Variants in CELF2 observed in about 807,000 individuals in gnomAD.
CELF2 encodes CUGBP Elav-like family member 2.
CELF2 carries 8 observed loss-of-function variants against 62.6 expected under a neutral mutation model. The observed-to-expected ratio is 0.13, with a 90% CI of 0.07 to 0.23. CELF2 has a LOEUF of 0.23. Ranked by LOEUF, CELF2 falls within the 10% of genes least tolerant of loss-of-function variation. CELF2 has a pLI of 1.00. For synonymous variants in CELF2, 258 were observed against 250.0 expected (o/e 1.03, Z -0.30); for missense variants, 333 against 671.0 (o/e 0.50, Z 5.56).
chr10:10,827,032 T>C (rs892913600), intron 1 of CELF2, among the ~76,000 whole-genome samples: 1 of 152,196 alleles, frequency 6.6e-6, no homozygotes, highest in African/African-American at 2.4e-5. Context: ...CTAGATAGGA[T>C]AGAATTAATC....
At chr10:11,172,370 C>T (rs1261276299) in intron 2 of CELF2, among the ~76,000 whole-genome samples, 1 of 152,186 alleles carries the variant, frequency 6.6e-6, no homozygotes, top group Non-Finnish European at 1.5e-5. Context: ...AAGGTGGCTT[C>T]ACTGCCTACA....
chr10:10,555,229 G>A, the CELF2 span, among the ~76,000 whole-genome samples: 1 of 151,608 alleles, frequency 6.6e-6, no homozygotes, highest in Non-Finnish European at 1.5e-5. Flanking sequence ...AATCTTAAGA[G>A]GAATCACTGT....
chr10:11,062,733 C>G (rs763102121), intron 1 of CELF2, among the ~76,000 whole-genome samples: 1 of 152,170 alleles, frequency 6.6e-6, no homozygotes, highest in Non-Finnish European at 1.5e-5. Flanking sequence ...GTTGAAATGA[C>G]AAAGGATTCA....
Position 11,300,626 on chromosome 10 carries a change from C to T in CELF2, c.976+12074C>T, listed in dbSNP as rs1292842999. Among the ~76,000 whole-genome samples the T allele has an allele frequency of 2.0e-5, 3 of 152,168 alleles. No individual in the cohort carries two copies. Among genetic ancestry groups the T allele is most frequent in the Non-Finnish European group, 4.4e-5 (3 of 68,008 alleles). ...GTTATTGTGGAATAATTAGGCCTCA[C>T]GGGGGGAGAGGCGTAGTATATTAAT... On this transcript the variant is annotated intron_variant, in intron 9 of 12. Coordinates refer to ENST00000633077, the MANE Select transcript of CELF2 (RefSeq NM_001326342.2). The surrounding 1 kb of genome is among the most constrained non-coding windows in gnomAD (Gnocchi z 5.5).
At chr10:10,968,581 GA>G (rs1006889684) in intron 2 of CELF2, among the ~76,000 whole-genome samples, 22 of 152,110 alleles carry the variant, frequency 1.4e-4, no homozygotes, top group Admixed American at 6.6e-5. Context: ...GATGACTTTT[GA>G]AAAGCGTAAC....
intron 1 of CELF2, among the ~76,000 whole-genome samples, chr10:10,813,172 C>G (rs1281004362): frequency 6.6e-6 from 1 of 152,164 alleles, no homozygotes; most frequent in Non-Finnish European, 1.5e-5. Flanking sequence ...AACTACAGAT[C>G]TGTGTTCAGA....
intron 11 of CELF2, among the ~76,000 whole-genome samples, chr10:11,325,249 T>C (rs2095661373): frequency 6.6e-6 from 1 of 152,224 alleles, no homozygotes; most frequent in Non-Finnish European, 1.5e-5. Flanking sequence ...GTCATGAGAC[T>C]CAGGCTACCT....
At chr10:10,650,217 A>T in the CELF2 span, among the ~76,000 whole-genome samples, 2 of 152,216 alleles carry the variant, frequency 1.3e-5, no homozygotes, top group Admixed American at 1.3e-4. Context: ...AAACAAATAA[A>T]GCAGAACAAA....
At chr10:10,902,482 G>T (rs1188746923) in intron 1 of CELF2, among the ~76,000 whole-genome samples, 2 of 152,150 alleles carry the variant, frequency 1.3e-5, no homozygotes, top group South Asian at 2.1e-4. Flanking sequence ...CTGAGTAAAA[G>T]ACGCCAGGCC....
the CELF2 span, among the ~76,000 whole-genome samples, chr10:10,541,299 A>C: frequency 2.0e-5 from 3 of 150,908 alleles, no homozygotes; most frequent in African/African-American, 7.3e-5. Context: ...AAGATTGCTG[A>C]TGTCATATTG....
chr10:10,712,299 G>A, the CELF2 span, among the ~76,000 whole-genome samples: 6 of 152,010 alleles, frequency 3.9e-5, no homozygotes, highest in African/African-American at 1.5e-4. Context: ...ACACAAGAAC[G>A]TTCAGAGTGT....
At chr10:10,866,331 G>A (rs1447129002) in intron 1 of CELF2, among the ~76,000 whole-genome samples, 1 of 149,946 alleles carries the variant, frequency 6.7e-6, no homozygotes, top group Non-Finnish European at 1.5e-5. Flanking sequence ...CACTTACTGT[G>A]CCAGGTGTGA....
At chr10:10,746,617 G>A in the CELF2 span, among the ~76,000 whole-genome samples, 2 of 152,188 alleles carry the variant, frequency 1.3e-5, no homozygotes, top group Non-Finnish European at 2.9e-5. Flanking sequence ...CTCTGCTTAA[G>A]ACTGAACAGA....
intron 1 of CELF2, among the ~76,000 whole-genome samples, chr10:11,138,991 A>G (rs17149624): frequency 0.056 from 8,552 of 152,324 alleles, 292 homozygotes; most frequent in African/African-American, 0.088. Context: ...CAGTTATGGC[A>G]ATTATATTTA....
chr10:10,976,470 G>A (rs1032806070), intron 2 of CELF2, among the ~76,000 whole-genome samples: 2 of 151,772 alleles, frequency 1.3e-5, no homozygotes, highest in Non-Finnish European at 2.9e-5. Flanking sequence ...CGTCAGGCTT[G>A]GTCTTTTTTT....
At chr10:10,775,349 G>A in the CELF2 span, among the ~76,000 whole-genome samples, 5 of 152,226 alleles carry the variant, frequency 3.3e-5, no homozygotes, top group Non-Finnish European at 1.5e-5. Context: ...AGGAGATGGA[G>A]GCCAGGTGCG....
chr10:10,472,347 C>G, the CELF2 span, among the ~76,000 whole-genome samples: 1 of 151,782 alleles, frequency 6.6e-6, no homozygotes, highest in African/African-American at 2.4e-5. Flanking sequence ...TCATACTTTA[C>G]TCTGCCATCT....
intron 2 of CELF2, among the ~76,000 whole-genome samples, chr10:11,185,609 T>C (rs1399911213): frequency 2.0e-5 from 3 of 152,080 alleles, no homozygotes; most frequent in Non-Finnish European, 4.4e-5. Flanking sequence ...AGAGGGGGTT[T>C]CTCCATGTTG....
chr10:11,101,802 A>T (rs866438475), intron 1 of CELF2, among the ~76,000 whole-genome samples: 1 of 152,182 alleles, frequency 6.6e-6, no homozygotes. Flanking sequence ...TGGGAAATGT[A>T]TCTAGTTTAC....
Sources: gnomAD v4.1 joint callset for allele counts (sites outside exome capture counted in the v4.1 genomes callset) on GRCh38, gnomAD v4.1.1 for gene constraint, Gnocchi (gnomAD v3.1) non-coding constraint, MANE v1.5 for transcripts, NCBI Gene and HGNC (gene_info 2026-07-23, HGNC 2026-07-21) for gene names.